The following RANBP17 variants were observed in gnomAD, a reference collection of about 807,000 sequenced individuals.
The protein encoded by RANBP17 is ran-binding protein 17.
A neutral mutation model predicts 141.2 loss-of-function variants in RANBP17; 158 were observed. That is an observed-to-expected ratio of 1.12 (90% CI 0.98 to 1.28). The LOEUF is 1.28. Among genes scored for constraint, RANBP17 ranks in the 50% most tolerant of loss-of-function variants. RANBP17 has a pLI of 0.00. For synonymous variants in RANBP17, 430 were observed against 450.0 expected (o/e 0.96, Z 0.56); for missense variants, 1,438 against 1,290.7 (o/e 1.11, Z -1.75).
At chr5:171,014,957 C>T (rs1034390649) in intron 14 of RANBP17, among the ~76,000 whole-genome samples, 2 of 151,928 alleles carry the variant, frequency 1.3e-5, no homozygotes, top group Non-Finnish European at 1.5e-5. Flanking sequence ...GTTTTTTTCC[C>T]CTTTCAATAC....
At chr5:171,003,343 T>G (rs919152961) in intron 14 of RANBP17, among the ~76,000 whole-genome samples, 1 of 152,156 alleles carries the variant, frequency 6.6e-6, no homozygotes, top group African/African-American at 2.4e-5. Flanking sequence ...GTCAGCTAGG[T>G]TTCCTTTTGT....
intron 14 of RANBP17, among the ~76,000 whole-genome samples, chr5:171,001,068 AG>A (rs1315709967): frequency 6.6e-6 from 1 of 152,156 alleles, no homozygotes; most frequent in Non-Finnish European, 1.5e-5. Context: ...AGAAAAGCAA[AG>A]CAAAATAGTG....
At chr5:170,908,578 C>T (rs1163619202) in intron 5 of RANBP17, among the ~76,000 whole-genome samples, 4 of 150,644 alleles carry the variant, frequency 2.7e-5, no homozygotes, top group East Asian at 1.9e-4. Context: ...ATCATTCATA[C>T]CCCAAACCTC....
chr5:171,173,666 G>A (rs1016926772), intron 16 of RANBP17, among the ~76,000 whole-genome samples: 4 of 152,074 alleles, frequency 2.6e-5, no homozygotes, highest in Non-Finnish European at 5.9e-5. Flanking sequence ...AAAAGCCTTT[G>A]GTTGCCTTAA....
intron 22 of RANBP17, among the ~76,000 whole-genome samples, chr5:171,229,652 C>T (rs1282200156): frequency 2.0e-5 from 3 of 151,464 alleles, no homozygotes; most frequent in Non-Finnish European, 4.4e-5. Context: ...ACCTCGGCCT[C>T]CCAAAGTGCC....
intron 14 of RANBP17, among the ~76,000 whole-genome samples, chr5:171,078,478 A>G (rs1248117628): frequency 6.6e-6 from 1 of 152,228 alleles, no homozygotes; most frequent in African/African-American, 2.4e-5. Flanking sequence ...TTTTCAATGT[A>G]GATGAAACAG....
At chr5:170,883,555 T>C (rs1051176269) in intron 3 of RANBP17, among the ~76,000 whole-genome samples, 4 of 152,212 alleles carry the variant, frequency 2.6e-5, no homozygotes, top group African/African-American at 9.6e-5. Context: ...TATAGTATTA[T>C]ACAGAATAGT....
At chr5:171,277,944 T>TCC (rs1767632303) in intron 25 of RANBP17, among the ~76,000 whole-genome samples, 2 of 89,762 alleles carry the variant, frequency 2.2e-5, no homozygotes, top group Non-Finnish European at 4.0e-5. Flanking sequence ...CTTTCTTTTT[T>TCC]TTTTTTTTTT....
chr5:171,221,554 A>G (rs1417032284), intron 21 of RANBP17, among the ~76,000 whole-genome samples: 2 of 152,338 alleles, frequency 1.3e-5, no homozygotes, highest in Non-Finnish European at 2.9e-5. Context: ...ATAAATGAAA[A>G]TAATTCTTCT....
intron 24 of RANBP17, among the ~76,000 whole-genome samples, chr5:171,260,074 CA>C (rs1766192382): frequency 1.4e-5 from 2 of 147,466 alleles, no homozygotes; most frequent in Non-Finnish European, 3.0e-5. Flanking sequence ...CCCAAGTGGG[CA>C]GATCACTTGA....
chr5:171,004,951 A>T (rs989876656), intron 14 of RANBP17, among the ~76,000 whole-genome samples: 4 of 152,134 alleles, frequency 2.6e-5, no homozygotes, highest in Admixed American at 6.5e-5. Flanking sequence ...GTTTTCCTAC[A>T]GCGGAGGCAA....
intron 1 of RANBP17, among the ~76,000 whole-genome samples, chr5:170,862,928 G>A (rs1280872496): frequency 6.6e-6 from 1 of 152,218 alleles, no homozygotes; most frequent in African/African-American, 2.4e-5. Flanking sequence ...ACAGAAAAGG[G>A]GGTAGCCAGC....
At chr5:171,011,027 G>A (rs1361065440) in intron 14 of RANBP17, among the ~76,000 whole-genome samples, 1 of 151,996 alleles carries the variant, frequency 6.6e-6, no homozygotes, top group African/African-American at 2.4e-5. Context: ...AGAAAAAAGA[G>A]GAAGAGAAGA....
rs200218036 is a variant in RANBP17, at chr5:170,951,943, A to G, written c.1469-1654A>G. ...CTGCAGGAGAGTAGATAATTGCAAT[A>G]AGAAGGGATATTTGTTAGTGTTGTT... On this transcript the variant is annotated intron_variant, in intron 12 of 27. Transcript: ENST00000523189. 2.6e-5 allele frequency among the ~76,000 whole-genome samples: 4 copies of G among 152,192 alleles called. No homozygotes were observed. The East Asian group carries it at 7.7e-4, about 29-fold the overall frequency.
intron 24 of RANBP17, among the ~76,000 whole-genome samples, chr5:171,249,850 A>G (rs1392198311): frequency 6.6e-6 from 1 of 152,244 alleles, no homozygotes; most frequent in Non-Finnish European, 1.5e-5. Context: ...TACAGAAATA[A>G]TAGATGAAAA....
chr5:171,033,068 A>G (rs189198424), intron 14 of RANBP17, among the ~76,000 whole-genome samples: 121 of 70,866 alleles, frequency 1.7e-3, no homozygotes, highest in East Asian at 8.8e-4. Flanking sequence ...CCCACCCCCA[A>G]TTGTATCCTT....
rs1768982136 is a variant in RANBP17, at chr5:171,298,788, G to A, written c.3197G>A (p.Arg1066Lys). The A allele has an allele frequency of 6.2e-7, 1 of 1,614,138 alleles. No individual in the cohort carries two copies. The highest frequency in any genetic ancestry group is 8.5e-7 in the Non-Finnish European group (1 of 1,179,996). The change falls in exon 28 of 28, where the codon AGA becomes AAA. Residue 1066 changes from arginine (R) to lysine (K), a missense_variant. Physicochemically the swap from Arg to Lys is conservative, Grantham distance 26 (BLOSUM62 2). Transcript: ENST00000523189. Reference sequence around the variant, plus strand: ...TTCACCCAAAATCTGTCTGTATTCAGAAGAGATGTGGCAGAGGCGTTGCGC... The same window carrying A: ...TTCACCCAAAATCTGTCTGTATTCAAAAGAGATGTGGCAGAGGCGTTGCGC... ...DRFTQNLSVFRRDVAEALRSD... is the reference protein window; with the variant it reads ...DRFTQNLSVFKRDVAEALRSD...
chr5:170,893,664 G>A (rs1769847480), intron 4 of RANBP17, among the ~76,000 whole-genome samples: 1 of 151,960 alleles, frequency 6.6e-6, no homozygotes, highest in Non-Finnish European at 1.5e-5. Context: ...GTGGTGGCGG[G>A]CGCCTGTAGT....
chr5:171,206,814 A>C (rs1228020095), intron 20 of RANBP17: 4 of 179,478 alleles, frequency 2.2e-5, no homozygotes, highest in African/African-American at 9.4e-5. Context: ...ATACTTCATC[A>C]GATTTATGTA....
Sources: gnomAD v4.1 joint callset for allele counts (sites outside exome capture counted in the v4.1 genomes callset) on GRCh38, gnomAD v4.1.1 for gene constraint, MANE v1.5 for transcripts, NCBI Gene and HGNC (gene_info 2026-07-23, HGNC 2026-07-21) for gene names.